DNM2: variants seen among roughly 807,000 people sequenced by gnomAD.
DNM2 encodes the protein dynamin 2.
Under a neutral mutation model 99.0 loss-of-function variants are expected in DNM2, and 15 were observed. The observed-to-expected ratio is 0.15, with a 90% CI of 0.10 to 0.23. The LOEUF (loss-of-function observed/expected upper bound fraction) is 0.23, where lower values mean the gene tolerates loss of function less well. DNM2 is among the 10% of genes least tolerant of loss of function. The pLI is 1.00. For missense variants in DNM2, 742 were observed against 1,189.4 expected, an observed-to-expected ratio of 0.62 and a Z score of 5.53; for synonymous variants, 525 against 481.2, an observed-to-expected ratio of 1.09 and a Z score of -1.19.
At chr19:10,748,346 C>T (rs1025310247) in intron 1 of DNM2, among the ~76,000 whole-genome samples, 1 of 152,120 alleles carries the variant, frequency 6.6e-6, no homozygotes, top group Admixed American at 6.6e-5. Flanking sequence ...ACCAGCAGGA[C>T]TCGCGGCTGG....
chr19:10,773,299 C>T (rs1180063116), intron 3 of DNM2, among the ~76,000 whole-genome samples: 2 of 151,856 alleles, frequency 1.3e-5, no homozygotes, highest in Admixed American at 6.6e-5. Context: ...AGGCAACTGC[C>T]GCCACGCCTG....
chr19:10,735,863 G>A (rs1281834958), intron 1 of DNM2, among the ~76,000 whole-genome samples: 1 of 152,116 alleles, frequency 6.6e-6, no homozygotes, highest in African/African-American at 2.4e-5. Context: ...AGTTGCTTTT[G>A]TCTGGAATTA....
At position 10,795,925 on chromosome 19, in the gene DNM2, G is replaced by T; in HGVS notation, c.1196+486G>T. On this transcript the variant is annotated intron_variant, in intron 9 of 20. Transcript: ENST00000389253. The surrounding 1 kb of genome is among the most constrained non-coding windows in gnomAD (Gnocchi z 4.2). The stretch of plus-strand genomic sequence containing the variant: ...TCACCCTGAGGGTTTCCGGGCAGTG[G>T]ACTCAGGCATCCGACCCCACACATG... 1 of 1,461,408 alleles carries T rather than the reference G, an allele frequency of 6.8e-7. No homozygotes were observed. The highest frequency in any genetic ancestry group is 9.5e-7 in the Non-Finnish European group (1 of 1,056,200). The allele number at this position is 1,461,408 out of a possible 1,614,324, so 90.5% of individuals were successfully genotyped here. A position where few individuals can be genotyped will look rare whatever the true frequency, so the allele number is the denominator to read the frequency against.
At chr19:10,784,386 C>T (rs2071482953) in intron 6 of DNM2, among the ~76,000 whole-genome samples, 1 of 152,070 alleles carries the variant, frequency 6.6e-6, no homozygotes, top group African/African-American at 2.4e-5. Context: ...GAGGGAGGGG[C>T]CCTCCAGGAG....
At chr19:10,756,192 C>T (rs2070376456) in intron 1 of DNM2, among the ~76,000 whole-genome samples, 1 of 152,068 alleles carries the variant, frequency 6.6e-6, no homozygotes, top group South Asian at 2.1e-4. Flanking sequence ...CATGGGGGCG[C>T]CCGCTCGCTG....
rs930355018 is a variant in DNM2 at position 10,818,073 on chromosome 19, A to G, written c.1672-1907A>G. On this transcript the variant is annotated intron_variant, in intron 15 of 20. Transcript: ENST00000389253. This position sits in a 1 kb window ranked among gnomAD's most constrained non-coding sequence, Gnocchi z 4.3. ...CCCCTAGCCCCTTCTAAAGCCCCCAAAACTCTTCCCCGAAAGGTGGGAGGG... is the reference window on the plus strand; with the variant it reads ...CCCCTAGCCCCTTCTAAAGCCCCCAGAACTCTTCCCCGAAAGGTGGGAGGG... Among the ~76,000 whole-genome samples, 6 of 151,992 alleles carry G rather than the reference A, an allele frequency of 3.9e-5. No homozygotes were observed. Among genetic ancestry groups the G allele is most frequent in the Non-Finnish European group, 7.4e-5 (5 of 67,952 alleles).
At chr19:10,737,238 G>A (rs1295547460) in intron 1 of DNM2, among the ~76,000 whole-genome samples, 2 of 152,110 alleles carry the variant, frequency 1.3e-5, no homozygotes, top group Non-Finnish European at 2.9e-5. Flanking sequence ...TCATGCAGGT[G>A]AGGCGCTGTC....
rs150338359 is a variant in DNM2, at chr19:10,818,345, C to T, written c.1672-1635C>T. On this transcript the variant is annotated intron_variant, in intron 15 of 20. Transcript: ENST00000389253. The surrounding 1 kb of genome is among the most constrained non-coding windows in gnomAD (Gnocchi z 4.3). ...AGAGCCTGGCAGGCTAATCCTGGAGCCGCTCACAAGAGCAACCAAAGAAAA... is the reference window on the plus strand; with the variant it reads ...AGAGCCTGGCAGGCTAATCCTGGAGTCGCTCACAAGAGCAACCAAAGAAAA... Among the ~76,000 whole-genome samples, 432 of 152,354 alleles carry T rather than the reference C, an allele frequency of 2.8e-3. No homozygotes were observed. Among genetic ancestry groups the T allele is most frequent in the African/African-American group, 0.01 (419 of 41,576 alleles).
intron 7 of DNM2, 141 bp downstream of exon 7, chr19:10,786,847 G>C (rs1028427591): frequency 1.3e-5 from 20 of 1,493,574 alleles, no homozygotes; most frequent in Admixed American, 2.0e-5. Flanking sequence ...CTGCGTGCCA[G>C]GCTCCATCCT....
At chr19:10,804,059 G>A (rs1472594366) in intron 12 of DNM2, among the ~76,000 whole-genome samples, 3 of 152,144 alleles carry the variant, frequency 2.0e-5, no homozygotes. Flanking sequence ...GACCAGGCAG[G>A]TAGAGGTAAG....
At position 10,816,161 on chromosome 19, in the gene DNM2, G is replaced by C. The variant is rs997512493; in HGVS notation, c.1671+3784G>C. ...AGGCTTCCCCAGTGCACGTCTGCGG[G>C]CCCATGCTCCCTGACCTGAGGGACA... is the stretch of plus-strand genomic sequence containing the variant. On this transcript the variant is annotated intron_variant, in intron 15 of 20. Coordinates refer to ENST00000389253, the MANE Select transcript of DNM2 (RefSeq NM_001005361.3). This position sits in a 1 kb window ranked among gnomAD's most constrained non-coding sequence, Gnocchi z 4.6. 1.3e-5 allele frequency among the ~76,000 whole-genome samples: 2 copies of C among 152,028 alleles called. No homozygotes were observed. The highest frequency in any genetic ancestry group is 1.3e-4 in the Admixed American group (2 of 15,266).
chr19:10,767,237 A>G (rs920096580), intron 2 of DNM2, among the ~76,000 whole-genome samples: 1 of 149,560 alleles, frequency 6.7e-6, no homozygotes, highest in Non-Finnish European at 1.5e-5. Flanking sequence ...AAAAAAAATC[A>G]TCTCATCTCC....
intron 1 of DNM2, among the ~76,000 whole-genome samples, chr19:10,728,427 T>C (rs972110046): frequency 3.9e-5 from 6 of 152,072 alleles, no homozygotes; most frequent in Non-Finnish European, 8.8e-5. Context: ...TGGGAAGGTG[T>C]GGGCCTGACT....
intron 5 of DNM2, among the ~76,000 whole-genome samples, chr19:10,782,060 C>T (rs747949605): frequency 4.6e-5 from 7 of 152,108 alleles, no homozygotes; most frequent in East Asian, 3.9e-4. Context: ...TGAGACAAGG[C>T]CTCGCTCTGT....
At chr19:10,739,381 A>C (rs1428683351) in intron 1 of DNM2, among the ~76,000 whole-genome samples, 3 of 152,156 alleles carry the variant, frequency 2.0e-5, no homozygotes, top group African/African-American at 7.2e-5. Flanking sequence ...ATTTTGTAGC[A>C]CTTTCATTTC....
intron 5 of DNM2, among the ~76,000 whole-genome samples, chr19:10,778,890 CTAAG>C (rs1330912333): frequency 2.0e-5 from 3 of 151,966 alleles, no homozygotes; most frequent in African/African-American, 7.2e-5. Flanking sequence ...TAGGAGTAAC[CTAAG>C]TATTTTTTAT....
Position 10,772,734 on chromosome 19 carries a change from C to A in DNM2, c.385+106C>A. The stretch of plus-strand genomic sequence containing the variant: ...CACTCATGGGTATCATGTGCCCATT[C>A]ACAAACAGTTGATATTCACACACAC... On this transcript the variant is annotated intron_variant, in intron 3 of 20. Coordinates refer to ENST00000389253, the MANE Select transcript of DNM2 (RefSeq NM_001005361.3). The surrounding 1 kb of genome is among the most constrained non-coding windows in gnomAD (Gnocchi z 4.9). 1.3e-6 allele frequency: 2 copies of A among 1,524,390 alleles called. No homozygotes were observed. The highest frequency in any genetic ancestry group is 1.8e-6 in the Non-Finnish European group (2 of 1,119,202). 94.4% of individuals were successfully genotyped at this position (1,524,390 alleles called of 1,614,324 possible).
At chr19:10,728,663 C>A (rs74179947) in intron 1 of DNM2, among the ~76,000 whole-genome samples, 1 of 152,138 alleles carries the variant, frequency 6.6e-6, no homozygotes, top group Admixed American at 6.6e-5. Flanking sequence ...CAAGAACATT[C>A]TGGGGCAGGC....
chr19:10,747,822 T>G (rs2070045331), intron 1 of DNM2, among the ~76,000 whole-genome samples: 1 of 152,006 alleles, frequency 6.6e-6, no homozygotes, highest in Non-Finnish European at 1.5e-5. Context: ...GCACTGAGCA[T>G]TGAGCGGGTT....
Sources: allele counts gnomAD v4.1 joint callset (sites outside exome capture counted in the v4.1 genomes callset), GRCh38; gene constraint gnomAD v4.1.1; non-coding constraint Gnocchi (gnomAD v3.1); transcripts MANE v1.5; gene names NCBI Gene and HGNC (gene_info 2026-07-23, HGNC 2026-07-21).